The following KCNN3 variants were observed in gnomAD, a reference collection of about 807,000 sequenced individuals.
The protein encoded by KCNN3 is small conductance calcium-activated potassium channel protein 3.
Under a neutral mutation model 62.9 loss-of-function variants are expected in KCNN3, and 16 were observed. The observed-to-expected ratio is 0.25, with a 90% CI of 0.17 to 0.39. The LOEUF is 0.39. Ranked by LOEUF, KCNN3 falls within the 10% of genes least tolerant of loss-of-function variation. The pLI, the probability that KCNN3 is intolerant of heterozygous loss-of-function variation, is 1.00. For synonymous variants in KCNN3, 370 were observed against 389.2 expected (o/e 0.95, Z 0.58); for missense variants, 599 against 949.4 (o/e 0.63, Z 4.85).
rs1699949344 is a variant in KCNN3, at chr1:154,705,463, T to C, written c.*2513A>G. The C allele has an allele frequency of 6.7e-6, 1 of 150,154 alleles. No individual in the cohort carries two copies. Among genetic ancestry groups the C allele is most frequent in the Non-Finnish European group, 1.5e-5 (1 of 67,120 alleles). 9.3% of individuals were successfully genotyped at this position (150,154 alleles called of 1,614,324 possible). ...ATTGCACTACCAATAGGTCAATTCA[T>C]GCTACAAATGTCCATGTGTTTCTAG... On this transcript the variant is annotated 3_prime_UTR_variant, in exon 8 of 8. Transcript: ENST00000271915.
rs540307843 is a variant in KCNN3 at position 154,708,102 on chromosome 1, A to C, written c.2070T>G (p.Ser690=). The C allele has an allele frequency of 1.2e-6, 2 of 1,613,968 alleles. No individual in the cohort carries two copies. The highest frequency in any genetic ancestry group is 1.7e-6 in the Non-Finnish European group (2 of 1,179,986). The stretch of plus-strand genomic sequence containing the variant: ...TGACACCCCGGGCCTCGATGATGGC[A>C]GACAGGAGCTGCTGCTGCTGCTGGC... ...TLRQQQQQLL[S]AIIEARGVSV... The change falls in exon 8 of 8, where the codon TCT becomes TCG. Residue 690 remains serine (S), a synonymous_variant. Coordinates refer to ENST00000271915, the MANE Select transcript of KCNN3 (RefSeq NM_002249.6).
intron 5 of KCNN3, among the ~76,000 whole-genome samples, chr1:154,723,850 G>A (rs1252679461): frequency 6.6e-6 from 1 of 152,206 alleles, no homozygotes; most frequent in African/African-American, 2.4e-5. Flanking sequence ...TTGCATTTAG[G>A]TGTTTCAATA....
intron 1 of KCNN3, among the ~76,000 whole-genome samples, chr1:154,864,353 G>A (rs1025912986): frequency 1.3e-5 from 2 of 152,256 alleles, no homozygotes; most frequent in African/African-American, 2.4e-5. Context: ...CAAACAGAAG[G>A]TGCAGAGCCA....
intron 1 of KCNN3, among the ~76,000 whole-genome samples, chr1:154,855,361 C>T (rs1652478612): frequency 6.6e-6 from 1 of 152,164 alleles, no homozygotes; most frequent in Admixed American, 6.5e-5. Flanking sequence ...CAGTCATGTC[C>T]TAGGCCCTCA....
At chr1:154,753,476 T>G (rs1440894026) in intron 3 of KCNN3, among the ~76,000 whole-genome samples, 2 of 152,220 alleles carry the variant, frequency 1.3e-5, no homozygotes, top group Non-Finnish European at 2.9e-5. Flanking sequence ...CTTTGCGTCT[T>G]ATGTTCTTTC....
At chr1:154,793,666 T>TG (rs1354285512) in intron 2 of KCNN3, among the ~76,000 whole-genome samples, 1 of 152,048 alleles carries the variant, frequency 6.6e-6, no homozygotes, top group Non-Finnish European at 1.5e-5. Flanking sequence ...CCAACTGTTG[T>TG]GGGGGGAAAG....
chr1:154,835,342 A>T (rs2798607), intron 1 of KCNN3, among the ~76,000 whole-genome samples: 1 of 152,334 alleles, frequency 6.6e-6, no homozygotes, highest in African/African-American at 2.4e-5. Flanking sequence ...AATGAATCAT[A>T]TGATCACCCT....
intron 1 of KCNN3, among the ~76,000 whole-genome samples, chr1:154,839,266 C>A (rs1455104100): frequency 1.3e-5 from 2 of 152,182 alleles, no homozygotes; most frequent in Admixed American, 1.3e-4. Flanking sequence ...CTCCCTCCAC[C>A]CCCATCACTG....
intron 1 of KCNN3, among the ~76,000 whole-genome samples, chr1:154,846,933 C>T (rs546036643): frequency 2.9e-4 from 44 of 152,244 alleles, no homozygotes; most frequent in African/African-American, 6.7e-4. Flanking sequence ...AACCTCCCAT[C>T]ACCACCACCC....
rs748636403 is a variant in KCNN3 at position 154,733,119 on chromosome 1, T to C, written c.1474A>G (p.Ser492Gly). Residue 492 changes from serine to glycine, a missense_variant, in exon 4 of 8, where the codon AGT (serine) becomes GGT (glycine). Ser to Gly is a moderately conservative substitution (Grantham distance 56). Coordinates refer to ENST00000271915, the MANE Select transcript of KCNN3 (RefSeq NM_002249.6). ...ERYHDQQDVT[S>G]NFLGAMWLIS... ...AGCCACATGGCACCCAGAAAGTTAC[T>C]AGTTACGTCCTGCTGGTCATGGTAC... 1.2e-6 allele frequency: 2 copies of C among 1,614,164 alleles called. No individual in the cohort carries two copies. The highest frequency in any genetic ancestry group is 1.7e-6 in the Non-Finnish European group (2 of 1,180,008).
At chr1:154,747,016 C>T (rs1036617019) in intron 3 of KCNN3, among the ~76,000 whole-genome samples, 1 of 152,140 alleles carries the variant, frequency 6.6e-6, no homozygotes, top group Non-Finnish European at 1.5e-5. Context: ...CTCCCTGCTG[C>T]CCAGGTCCCC....
At position 154,715,023 on chromosome 1, in the gene KCNN3, G is replaced by A. The variant is rs1248174830; in HGVS notation, c.1702-20C>T. On this transcript the variant is annotated intron_variant, in intron 5 of 7. Coordinates refer to ENST00000271915, the MANE Select transcript of KCNN3 (RefSeq NM_002249.6). ...CTTGATCTAAGGAAGAATAAATAAA[G>A]TAGGCTGCTATCAGGTTCATTTTCT... 1 of 1,613,136 alleles carries A rather than the reference G, an allele frequency of 6.2e-7. No homozygotes were observed. Among genetic ancestry groups the A allele is most frequent in the African/African-American group, 1.3e-5 (1 of 74,848 alleles).
chr1:154,831,716 C>T (rs1012392990), intron 1 of KCNN3, among the ~76,000 whole-genome samples: 3 of 152,080 alleles, frequency 2.0e-5, no homozygotes, highest in Admixed American at 6.5e-5. Context: ...AACTCACTTC[C>T]TCTCAATGTA....
rs1557964833 is a variant in KCNN3 at position 154,766,418 on chromosome 1, AT to A, written c.1448+5556del. ...ATTTATTAAATACTAGCCAGGCTTT[AT>A]ATATATATATATATATATATATATG... On this transcript the variant is annotated intron_variant, in intron 3 of 7. Coordinates refer to ENST00000271915, the MANE Select transcript of KCNN3 (RefSeq NM_002249.6). Among the ~76,000 whole-genome samples, 326 of 104,730 alleles carry A rather than the reference AT, an allele frequency of 3.1e-3. 33 individuals are homozygous for A. The highest frequency in any genetic ancestry group is 0.026 in the South Asian group (80 of 3,096). 68.7% of individuals were successfully genotyped at this position (104,730 alleles called of 152,430 possible).
At position 154,712,544 on chromosome 1, in the gene KCNN3, T is replaced by C. The variant is rs374411882; in HGVS notation, c.1899+920A>G. Among the ~76,000 whole-genome samples the C allele has an allele frequency of 5.3e-5, 8 of 152,340 alleles. No individual in the cohort carries two copies. In the South Asian group the frequency reaches 8.3e-4, roughly 16 times the overall value. ...GCCCGACAACTAGTGATTTCTCTGA[T>C]TGCACTCTTTTCAAAGGGTGCTTAA... On this transcript the variant is annotated intron_variant, in intron 7 of 7. Coordinates refer to ENST00000271915, the MANE Select transcript of KCNN3 (RefSeq NM_002249.6).
At chr1:154,716,798 G>A (rs1276037733) in intron 5 of KCNN3, among the ~76,000 whole-genome samples, 1 of 152,166 alleles carries the variant, frequency 6.6e-6, no homozygotes, top group Admixed American at 6.5e-5. Context: ...TGTGGTCTCT[G>A]GGCTTCTGCT....
At chr1:154,828,174 T>C (rs1311882875) in intron 1 of KCNN3, among the ~76,000 whole-genome samples, 1 of 152,052 alleles carries the variant, frequency 6.6e-6, no homozygotes, top group Admixed American at 6.5e-5. Flanking sequence ...GCCTCCTCCA[T>C]AGTGAATGCC....
intron 1 of KCNN3, among the ~76,000 whole-genome samples, chr1:154,837,335 G>C (rs974172663): frequency 1.3e-5 from 2 of 152,094 alleles, no homozygotes; most frequent in African/African-American, 4.8e-5. Context: ...AGTAGAAACA[G>C]AGTTTGACCA....
chr1:154,714,003 G>T (rs1187366587), intron 6 of KCNN3, among the ~76,000 whole-genome samples: 1 of 9,494 alleles, frequency 1.1e-4, no homozygotes, highest in Admixed American at 1.5e-3. Flanking sequence ...TGTGTGTGTG[G>T]TGTTTGTGTG....
Sources: gnomAD v4.1 joint callset for allele counts (sites outside exome capture counted in the v4.1 genomes callset) on GRCh38, gnomAD v4.1.1 for gene constraint, MANE v1.5 for transcripts, NCBI Gene and HGNC (gene_info 2026-07-23, HGNC 2026-07-21) for gene names.